PPP2R2B: variants seen among roughly 807,000 people sequenced by gnomAD.
PPP2R2B encodes serine/threonine-protein phosphatase 2A 55 kDa regulatory subunit B beta isoform.
PPP2R2B carries 5 observed loss-of-function variants against 46.0 expected under a neutral mutation model. The observed-to-expected ratio is 0.11, with a 90% confidence interval of 0.06 to 0.23. The LOEUF is 0.23. Ranked by LOEUF, PPP2R2B falls within the 10% of genes least tolerant of loss-of-function variation. PPP2R2B has a pLI of 1.00. For synonymous variants in PPP2R2B, 215 were observed against 206.7 expected (o/e 1.04, Z -0.34); for missense variants, 367 against 575.0 (o/e 0.64, Z 3.70).
chr5:146,780,052 A>G (rs1028412154), intron 2 of PPP2R2B, among the ~76,000 whole-genome samples: 1 of 152,198 alleles, frequency 6.6e-6, no homozygotes, highest in Admixed American at 6.5e-5. Flanking sequence ...CAAAACAATG[A>G]TGTAACGTGG....
rs527587644 is a variant in PPP2R2B, at chr5:146,670,540, G to A, written c.448-19816C>T. Among the ~76,000 whole-genome samples the A allele has an allele frequency of 2.2e-3, 332 of 151,556 alleles. 4 individuals are homozygous for A. Among genetic ancestry groups the A allele is most frequent in the African/African-American group, 7.5e-3 (311 of 41,286 alleles). ...AGACAGAATCTTGCTCTGTGACCCA[G>A]GTTGCAGTGCAGTGGCGCAATGTCG... On this transcript the variant is annotated intron_variant, in intron 5 of 9. Transcript: ENST00000394411.
At chr5:147,023,276 G>A (rs888220459) in intron 1 of PPP2R2B, among the ~76,000 whole-genome samples, 1 of 151,990 alleles carries the variant, frequency 6.6e-6, no homozygotes, top group Non-Finnish European at 1.5e-5. Context: ...AAACAAAGAG[G>A]TATAGCAAGG....
At chr5:146,982,590 G>A (rs1013460402) in intron 1 of PPP2R2B, among the ~76,000 whole-genome samples, 1 of 152,146 alleles carries the variant, frequency 6.6e-6, no homozygotes, top group Admixed American at 6.5e-5. Context: ...CATCCTTGAT[G>A]TTCTCTGTCT....
chr5:146,584,376 T>G lies in PPP2R2B; in HGVS notation c.*5571A>C, dbSNP rs1201649694. The G allele has an allele frequency of 6.6e-6, 1 of 152,202 alleles. No homozygotes were observed. Among genetic ancestry groups the G allele is most frequent in the Non-Finnish European group, 1.5e-5 (1 of 68,032 alleles). The allele number at this position is 152,202 out of a possible 1,614,324, so 9.4% of individuals were successfully genotyped here. On this transcript the variant is annotated 3_prime_UTR_variant, in exon 10 of 10. Transcript: ENST00000394411. ...CTCTCTGCTTTGATGACAGACCAAA[T>G]TTGTATTCTTGGTCAGCTGTCAGGC...
chr5:146,814,225 C>CTT (rs200735774), intron 2 of PPP2R2B, among the ~76,000 whole-genome samples: 1 of 147,750 alleles, frequency 6.8e-6, no homozygotes, highest in South Asian at 2.1e-4. Flanking sequence ...ATCCTATGGT[C>CTT]TTTTTTTTTC....
intron 2 of PPP2R2B, chr5:146,856,476 G>T: frequency 6.6e-7 from 1 of 1,509,420 alleles, no homozygotes; most frequent in Non-Finnish European, 9.2e-7. Context: ...AAGAAGAGTA[G>T]GTATAAATAA....
At chr5:146,724,556 A>C (rs1262412503) in intron 2 of PPP2R2B, among the ~76,000 whole-genome samples, 1 of 152,086 alleles carries the variant, frequency 6.6e-6, no homozygotes, top group East Asian at 1.9e-4. Flanking sequence ...AAAATCTATA[A>C]ATTAGGAGGT....
At chr5:146,959,413 A>G (rs1038714352) in intron 1 of PPP2R2B, among the ~76,000 whole-genome samples, 2 of 152,200 alleles carry the variant, frequency 1.3e-5, no homozygotes, top group Non-Finnish European at 2.9e-5. Context: ...TAGTATAGGT[A>G]TCAAGTGCTA....
chr5:146,625,412 T>C (rs1055468410), intron 7 of PPP2R2B, among the ~76,000 whole-genome samples: 1 of 152,238 alleles, frequency 6.6e-6, no homozygotes, highest in Non-Finnish European at 1.5e-5. Flanking sequence ...TAAAGAGAAG[T>C]ATCAGATGCA....
At chr5:146,832,379 CTTTTTTTT>C (rs34269274) in intron 2 of PPP2R2B, among the ~76,000 whole-genome samples, 4 of 70,194 alleles carry the variant, frequency 5.7e-5, no homozygotes, top group South Asian at 7.8e-4. Context: ...CATTTTTAAT[CTTTTTTTT>C]TTTTTTTTTT....
At chr5:146,597,468 A>G (rs1771290265) in intron 8 of PPP2R2B, among the ~76,000 whole-genome samples, 1 of 152,142 alleles carries the variant, frequency 6.6e-6, no homozygotes, top group African/African-American at 2.4e-5. Flanking sequence ...CATCGTTACA[A>G]TCAATCACTC....
intron 2 of PPP2R2B, among the ~76,000 whole-genome samples, chr5:146,722,163 C>T (rs1321425372): frequency 6.6e-6 from 1 of 152,166 alleles, no homozygotes; most frequent in African/African-American, 2.4e-5. Flanking sequence ...AACCACTCAA[C>T]TTTACTACCT....
intron 2 of PPP2R2B, among the ~76,000 whole-genome samples, chr5:146,809,630 A>C (rs545851366): frequency 6.6e-6 from 1 of 152,332 alleles, no homozygotes; most frequent in South Asian, 2.1e-4. Flanking sequence ...AGAGCTTAGT[A>C]AGCAAGGAGT....
chr5:146,701,241 T>G (rs1779520206), intron 2 of PPP2R2B, 99 bp from the exon 3 acceptor site: 1 of 1,060,626 alleles, frequency 9.4e-7, no homozygotes, highest in African/African-American at 1.6e-5. Flanking sequence ...GGCTTAGGGC[T>G]TTGTCTCTGC....
At chr5:146,705,001 G>A (rs925265268) in intron 2 of PPP2R2B, among the ~76,000 whole-genome samples, 3 of 152,074 alleles carry the variant, frequency 2.0e-5, no homozygotes, top group Non-Finnish European at 2.9e-5. Context: ...ACATAGGAGG[G>A]TGACTGTTTT....
At chr5:146,797,472 G>T (rs1034335486) in intron 2 of PPP2R2B, among the ~76,000 whole-genome samples, 1 of 152,120 alleles carries the variant, frequency 6.6e-6, no homozygotes. Context: ...TTTATTTTTA[G>T]CAGGAGGATG....
chr5:146,921,032 T>C lies in PPP2R2B; in HGVS notation c.79+134633A>G, dbSNP rs147689705. Among the ~76,000 whole-genome samples, 983 of 152,326 alleles carry C rather than the reference T, an allele frequency of 6.5e-3. 11 individuals are homozygous for C. Among genetic ancestry groups the C allele is most frequent in the African/African-American group, 0.023 (938 of 41,574 alleles). ...GTCTTTTCTAGGGTGCAGGGTACAGTATGTTGTCTCTGGTCTTTGTTCTTC... is the reference window on the plus strand; with the variant it reads ...GTCTTTTCTAGGGTGCAGGGTACAGCATGTTGTCTCTGGTCTTTGTTCTTC... On this transcript the variant is annotated intron_variant, in intron 1 of 8. Transcript: ENST00000336640.
intron 2 of PPP2R2B, among the ~76,000 whole-genome samples, chr5:146,718,714 G>A (rs934689991): frequency 5.9e-5 from 9 of 152,092 alleles, no homozygotes; most frequent in Non-Finnish European, 1.0e-4. Flanking sequence ...AAAGGCAATC[G>A]AACACCAGAG....
rs768180759 is a variant in PPP2R2B at position 146,701,026 on chromosome 5, T to C, written c.168+19A>G. 14 of 1,585,012 alleles carry C rather than the reference T, an allele frequency of 8.8e-6. No homozygotes were observed. The highest frequency in any genetic ancestry group is 3.3e-5 in the Admixed American group (2 of 59,956). ...TAAAAAGTGAAGAAAATGGGCATTT[T>C]GCATTCACCACCACTTACCTCCTGC... On this transcript the variant is annotated intron_variant, in intron 3 of 9. Coordinates refer to ENST00000394411, the MANE Select transcript of PPP2R2B (RefSeq NM_181675.4).
Sources: allele counts gnomAD v4.1 joint callset (sites outside exome capture counted in the v4.1 genomes callset), GRCh38; gene constraint gnomAD v4.1.1; transcripts MANE v1.5; gene names NCBI Gene and HGNC (gene_info 2026-07-23, HGNC 2026-07-21).